The following ZCCHC8 variants were observed in gnomAD, a reference collection of about 807,000 sequenced individuals.
The protein encoded by ZCCHC8 is zinc finger CCHC-type containing 8.
ZCCHC8 carries 27 observed loss-of-function variants against 70.6 expected under a neutral mutation model. The ratio of observed to expected loss-of-function variants is 0.38; its 90% CI spans 0.28 to 0.53. ZCCHC8 has a LOEUF of 0.53. ZCCHC8 is among the 20% of genes least tolerant of loss of function. The pLI is 0.81. For missense variants in ZCCHC8, 737 were observed against 876.9 expected (o/e 0.84, Z 2.01); for synonymous variants, 293 against 317.4 (o/e 0.92, Z 0.82).
At chr12:122,492,836 C>T in intron 2 of ZCCHC8, 47 bp from the exon 3 acceptor site, 8 of 1,259,300 alleles carry the variant, frequency 6.4e-6, no homozygotes, top group Non-Finnish European at 7.8e-6. Context: ...TTAAGTAAAA[C>T]TTGCATACGT....
At position 122,483,451 on chromosome 12, in the gene ZCCHC8, G is replaced by A; in HGVS notation, c.605+9C>T. ...TGCATAAAAGATCTTCATTCACTAT[G>A]TAGGATACTTGGGTATTTCCCATCC... On this transcript the variant is annotated intron_variant, in intron 6 of 13. Transcript: ENST00000633063. The surrounding 1 kb of genome is among the most constrained non-coding windows in gnomAD (Gnocchi z 4.4). 1 of 1,584,646 alleles carries A rather than the reference G, an allele frequency of 6.3e-7. No homozygotes were observed. The highest frequency in any genetic ancestry group is 1.3e-5 in the African/African-American group (1 of 74,562).
At chr12:122,492,979 C>T (rs1219340557) in intron 2 of ZCCHC8, among the ~76,000 whole-genome samples, 190 bp from the exon 3 acceptor site, 4 of 151,978 alleles carry the variant, frequency 2.6e-5, no homozygotes, top group African/African-American at 9.7e-5. Flanking sequence ...CAAGCAATCC[C>T]ACCTCACCTT....
At chr12:122,476,276 A>G (rs1326213145) in intron 13 of ZCCHC8, among the ~76,000 whole-genome samples, 12 of 152,244 alleles carry the variant, frequency 7.9e-5, no homozygotes, top group Admixed American at 7.9e-4. Flanking sequence ...ATAGACAATA[A>G]GATTTGTGAG....
chr12:122,482,223 G>C, intron 8 of ZCCHC8, 136 bp from the exon 9 acceptor site: 1 of 928,206 alleles, frequency 1.1e-6, no homozygotes, highest in Non-Finnish European at 1.5e-6. Context: ...GTGTAAAAGA[G>C]GGTGAATATT....
chr12:122,474,089 T>G lies in ZCCHC8; in HGVS notation c.1532A>C (p.Asp511Ala). ...PQTRTASGAV[D>A]EDALTLEELE... ...TTCTTCTAGAGTCAGTGCGTCCTCA[T>G]CCACAGCTCCAGATGCTGTTCTGGT... is the stretch of plus-strand genomic sequence containing the variant. The change falls in exon 14 of 14, where the codon GAT (aspartate) becomes GCT (alanine). Residue 511 changes from aspartate to alanine, a missense_variant. Coordinates refer to ENST00000633063, the MANE Select transcript of ZCCHC8 (RefSeq NM_017612.5). 2 of 1,516,708 alleles carry G rather than the reference T, an allele frequency of 1.3e-6. No homozygotes were observed. The highest frequency in any genetic ancestry group is 2.7e-5 in the South Asian group (2 of 73,936). 94.0% of individuals were successfully genotyped at this position (1,516,708 alleles called of 1,614,324 possible). A position where few individuals can be genotyped will look rare whatever the true frequency, so the allele number is the denominator to read the frequency against.
In ZCCHC8 at chr12:122,473,230, C is replaced by T. The variant is rs1957346883; in HGVS notation, c.*267G>A. ...AACCATCACTCTCGACGGATAGTCA[C>T]AATCCAAAAATAGTATAAACCTTAA... On this transcript the variant is annotated 3_prime_UTR_variant, in exon 14 of 14. Coordinates refer to ENST00000633063, the MANE Select transcript of ZCCHC8 (RefSeq NM_017612.5). The T allele has an allele frequency of 2.6e-6, 1 of 392,140 alleles. No individual in the cohort carries two copies. The allele number at this position is 392,140 out of a possible 1,614,324, so 24.3% of individuals were successfully genotyped here.
At chr12:122,499,106 T>G in intron 1 of ZCCHC8, 2 of 531,044 alleles carry the variant, frequency 3.8e-6, no homozygotes, top group South Asian at 4.4e-5. Flanking sequence ...ATCCTGAAGT[T>G]CAACAGACTA....
At chr12:122,479,571 T>C (rs12312757) in intron 11 of ZCCHC8, among the ~76,000 whole-genome samples, 7,110 of 152,194 alleles carry the variant, frequency 0.047, 570 homozygotes, top group African/African-American at 0.16. Flanking sequence ...AGATAGAAAC[T>C]TATTTCCCAA....
intron 10 of ZCCHC8, 72 bp from the exon 11 acceptor site, chr12:122,480,383 C>T (rs543361808): frequency 2.3e-6 from 3 of 1,300,024 alleles, no homozygotes; most frequent in Non-Finnish European, 3.0e-6. Context: ...CAAAAGTACA[C>T]CTGGAAAGTG....
chr12:122,499,002 C>G, intron 1 of ZCCHC8, 133 bp from the exon 2 acceptor site: 1 of 810,378 alleles, frequency 1.2e-6, no homozygotes. Context: ...GGATGACACA[C>G]TTATTGAGCT....
Position 122,473,982 on chromosome 12 carries a change from T to A in ZCCHC8, c.1639A>T (p.Thr547Ser). The A allele has an allele frequency of 6.3e-7, 1 of 1,592,582 alleles. No homozygotes were observed. Reference protein sequence around the residue: ...VNSDSDVPVDTPLTGNSVASS... With the variant: ...VNSDSDVPVDSPLTGNSVASS... ...GCAACGGAATTGCCAGTTAAAGGTG[T>A]GTCCACAGGAACGTCGGAGTCGCTG... Residue 547 changes from threonine (T) to serine (S), a missense_variant, in exon 14 of 14, where the codon ACA becomes TCA. Transcript: ENST00000633063.
At chr12:122,493,872 C>A (rs1957785629) in intron 2 of ZCCHC8, among the ~76,000 whole-genome samples, 1 of 151,910 alleles carries the variant, frequency 6.6e-6, no homozygotes, top group Non-Finnish European at 1.5e-5. Flanking sequence ...CTCGGCCTCC[C>A]AAAGTGCTGG....
At chr12:122,481,103 T>A (rs145522873) in intron 10 of ZCCHC8, 1 of 153,342 alleles carries the variant, frequency 6.5e-6, no homozygotes, top group African/African-American at 2.4e-5. Context: ...AAAAAGATTC[T>A]TGTATACATA....
chr12:122,482,092 A>G lies in ZCCHC8; in HGVS notation c.733-5T>C. On this transcript the variant is annotated splice_polypyrimidine_tract_variant and splice_region_variant and intron_variant, in intron 8 of 13. Transcript: ENST00000633063. ...TATTCGAGCAGCATTCCGAGGCTAC[A>G]TCATGACACATTTGAAAAGAATGGT... 1 of 1,595,078 alleles carries G rather than the reference A, an allele frequency of 6.3e-7. No homozygotes were observed.
rs1327323969 is a variant in ZCCHC8, at chr12:122,473,968, G to A, written c.1653C>T (p.Gly551=). Residue 551 remains glycine (G), a synonymous_variant, in exon 14 of 14, where the codon GGC becomes GGT. Transcript: ENST00000633063. ...SDVPVDTPLT[G]NSVASSPCPN... Reference sequence around the variant, plus strand: ...GACAAGGTGATGAGGCAACGGAATTGCCAGTTAAAGGTGTGTCCACAGGAA... The same window carrying A: ...GACAAGGTGATGAGGCAACGGAATTACCAGTTAAAGGTGTGTCCACAGGAA... 1.2e-6 allele frequency: 2 copies of A among 1,605,434 alleles called. No individual in the cohort carries two copies. The highest frequency in any genetic ancestry group is 1.1e-5 in the South Asian group (1 of 89,750).
At chr12:122,480,440 T>C (rs981651316) in intron 10 of ZCCHC8, 129 bp from the exon 11 acceptor site, 1 of 788,508 alleles carries the variant, frequency 1.3e-6, no homozygotes, top group African/African-American at 1.8e-5. Context: ...CTTTCAATTT[T>C]CATTATAATT....
chr12:122,485,848 C>T (rs1046924671), intron 5 of ZCCHC8, among the ~76,000 whole-genome samples: 7 of 151,970 alleles, frequency 4.6e-5, no homozygotes, highest in African/African-American at 1.7e-4. Context: ...TTTTTTACGA[C>T]GACATTCTTA....
In ZCCHC8 at chr12:122,498,793, G is replaced by C. The variant is rs575865063; in HGVS notation, c.242+34C>G. On this transcript the variant is annotated intron_variant, in intron 2 of 13. Transcript: ENST00000633063. ...TATTAATATCAGGATAAATAATAAG[G>C]GACAACTATGGAGTAATTTCAAAAA... 293 of 1,599,142 alleles carry C rather than the reference G, an allele frequency of 1.8e-4. 1 individual carries two copies. In the South Asian group the frequency reaches 3.0e-3, roughly 16 times the overall value.
chr12:122,480,423 G>A, intron 10 of ZCCHC8, 112 bp from the exon 11 acceptor site: 1 of 855,506 alleles, frequency 1.2e-6, no homozygotes, highest in South Asian at 3.4e-5. Context: ...AATTAGTTTT[G>A]AAATGGCTTT....
Sources: allele counts gnomAD v4.1 joint callset (sites outside exome capture counted in the v4.1 genomes callset), GRCh38; gene constraint gnomAD v4.1.1; non-coding constraint Gnocchi (gnomAD v3.1); transcripts MANE v1.5; gene names NCBI Gene and HGNC (gene_info 2026-07-23, HGNC 2026-07-21).